The following BCL2L14 variants were observed in gnomAD, a reference collection of about 807,000 sequenced individuals.
BCL2L14 encodes apoptosis facilitator Bcl-2-like protein 14.
A neutral mutation model predicts 35.3 loss-of-function variants in BCL2L14; 27 were observed. That is an observed-to-expected ratio of 0.76 (90% CI 0.56 to 1.05). BCL2L14 has a LOEUF of 1.05. Among genes scored for constraint, BCL2L14 ranks in the 50% least tolerant of loss-of-function variants. The pLI is 0.00. For synonymous variants in BCL2L14, 139 were observed against 145.9 expected (o/e 0.95, Z 0.34); for missense variants, 377 against 382.6 (o/e 0.99, Z 0.12).
intron 3 of BCL2L14, among the ~76,000 whole-genome samples, chr12:12,089,203 C>A (rs1271497568): frequency 6.6e-6 from 1 of 151,914 alleles, no homozygotes; most frequent in Non-Finnish European, 1.5e-5. Flanking sequence ...CCCTTCTCTA[C>A]TAAAAATACA....
In BCL2L14 at chr12:12,094,777, G is replaced by C; in HGVS notation, c.792G>C (p.Glu264Asp). 6.2e-7 allele frequency: 1 copy of C among 1,614,192 alleles called. No individual in the cohort carries two copies. The highest frequency in any genetic ancestry group is 1.1e-5 in the South Asian group (1 of 91,080). Reference sequence around the variant, plus strand: ...GTGTGGACCCCAGGGGAGAATCAGAGGTCAAAGCTCAGGGCTTTAAGGCTG... The same window carrying C: ...GTGTGGACCCCAGGGGAGAATCAGACGTCAAAGCTCAGGGCTTTAAGGCTG... ...LMGVDPRGES[E>D]VKAQGFKAAL... Residue 264 changes from glutamate to aspartate, a missense_variant, in exon 5 of 6, where the codon GAG becomes GAC. Transcript: ENST00000308721.
intron 5 of BCL2L14, 57 bp downstream of exon 5, chr12:12,094,987 ATTTTT>A: frequency 6.8e-7 from 1 of 1,465,682 alleles, no homozygotes; most frequent in Non-Finnish European, 9.0e-7. Context: ...GATGGGATGG[ATTTTT>A]TTTTTTTTTT....
chr12:12,078,949 A>C (rs1948845373), intron 1 of BCL2L14, among the ~76,000 whole-genome samples: 1 of 152,160 alleles, frequency 6.6e-6, no homozygotes, highest in African/African-American at 2.4e-5. Context: ...GGCGTGCGCC[A>C]CCATGCCTGG....
At chr12:12,059,511 G>GCA in intron 2 of BCL2L14, among the ~76,000 whole-genome samples, 3 of 150,056 alleles carry the variant, frequency 2.0e-5, no homozygotes, top group African/African-American at 7.4e-5. Context: ...TTATTTCCAT[G>GCA]CCCCAACCTC....
upstream of BCL2L14, chr12:12,070,845 T>C (rs1948658674): frequency 6.6e-6 from 1 of 152,106 alleles, no homozygotes; most frequent in African/African-American, 2.4e-5. Flanking sequence ...AGAATTCCTT[T>C]TAGAGTCAAA....
intron 2 of BCL2L14, among the ~76,000 whole-genome samples, chr12:12,065,471 G>T (rs920935850): frequency 6.6e-5 from 10 of 151,222 alleles, no homozygotes; most frequent in Non-Finnish European, 1.5e-4. Context: ...GGGAGGCGGA[G>T]GTTGCAGTGA....
In BCL2L14 at chr12:12,073,011, C is replaced by G. The variant is rs192817182; in HGVS notation, c.-8+1874C>G. Among the ~76,000 whole-genome samples the G allele has an allele frequency of 2.5e-3, 385 of 152,194 alleles. 1 individual carries two copies. The highest frequency in any genetic ancestry group is 8.5e-3 in the African/African-American group (351 of 41,530). ...AAGCGATTCTCCCCCCTCAGCCTCC[C>G]AAGTGGCTGGGACTGCAGGTGCACA... On this transcript the variant is annotated intron_variant, in intron 1 of 5. Transcript: ENST00000308721.
intron 5 of BCL2L14, chr12:12,095,434 G>A (rs1176368418): frequency 1.0e-6 from 1 of 985,196 alleles, no homozygotes; most frequent in Non-Finnish European, 1.2e-6. Flanking sequence ...AAAGCCAACA[G>A]TTAAACTTTC....
chr12:12,070,753 C>T (rs1382151907), upstream of BCL2L14, among the ~76,000 whole-genome samples: 1 of 151,896 alleles, frequency 6.6e-6, no homozygotes, highest in Non-Finnish European at 1.5e-5. Context: ...GTTTAACTAA[C>T]AACTGATAAG....
At chr12:12,079,206 A>C in intron 1 of BCL2L14, 93 bp from the exon 2 acceptor site, 1 of 1,061,036 alleles carries the variant, frequency 9.4e-7, no homozygotes, top group Non-Finnish European at 1.4e-6. Context: ...ATGTTCAATA[A>C]ATGTTTCCTG....
In BCL2L14 at chr12:12,099,379, G is replaced by A. The variant is rs201488916; in HGVS notation, c.*391G>A. On this transcript the variant is annotated 3_prime_UTR_variant, in exon 6 of 6. Coordinates refer to ENST00000308721, the MANE Select transcript of BCL2L14 (RefSeq NM_138723.2). Reference sequence around the variant, plus strand: ...AAACTGTGCATGTGTTTCCACTTCCGTTTCTAGTACTATTTATTTTTAAAC... The same window carrying A: ...AAACTGTGCATGTGTTTCCACTTCCATTTCTAGTACTATTTATTTTTAAAC... The A allele has an allele frequency of 8.3e-5, 16 of 192,860 alleles. No homozygotes were observed. The East Asian group carries it at 1.1e-3, about 14-fold the overall frequency. 11.9% of individuals were successfully genotyped at this position (192,860 alleles called of 1,614,324 possible). A position where few individuals can be genotyped will look rare whatever the true frequency, so the allele number is the denominator to read the frequency against.
chr12:12,079,266 T>C (rs1271678230), intron 1 of BCL2L14, 33 bp from the exon 2 acceptor site: 1 of 1,569,046 alleles, frequency 6.4e-7, no homozygotes, highest in Non-Finnish European at 8.7e-7. Flanking sequence ...TGGCCCTGCA[T>C]AGAAGGGCAC....
chr12:12,060,882 GTC>G (rs1332419331), intron 2 of BCL2L14, among the ~76,000 whole-genome samples: 47,233 of 75,328 alleles, frequency 0.63, 16,811 homozygotes, highest in East Asian at 0.99. Context: ...AGCTTCGGAA[GTC>G]CCGTAGACCA....
At chr12:12,096,598 A>C (rs1949317642) in intron 5 of BCL2L14, among the ~76,000 whole-genome samples, 1 of 152,260 alleles carries the variant, frequency 6.6e-6, no homozygotes, top group Non-Finnish European at 1.5e-5. Context: ...ATTTCTCCAA[A>C]GAATATATAT....
At chr12:12,097,045 T>G (rs558847343) in intron 5 of BCL2L14, among the ~76,000 whole-genome samples, 137 of 152,164 alleles carry the variant, frequency 9.0e-4, no homozygotes, top group African/African-American at 3.2e-3. Context: ...TCAGGGGGGC[T>G]GAGGTAGGAG....
chr12:12,061,615 A>C (rs920753661), intron 2 of BCL2L14, among the ~76,000 whole-genome samples: 29 of 151,428 alleles, frequency 1.9e-4, no homozygotes, highest in South Asian at 1.0e-3. Context: ...TCCACAACCC[A>C]TTATTCTGTT....
intron 2 of BCL2L14, among the ~76,000 whole-genome samples, chr12:12,057,377 G>A (rs1303283429): frequency 1.3e-5 from 2 of 152,138 alleles, no homozygotes; most frequent in Non-Finnish European, 2.9e-5. Flanking sequence ...TCCATTGAAA[G>A]GATATCCAGT....
At chr12:12,084,120 TTTATTA>T (rs1680255226) in intron 2 of BCL2L14, among the ~76,000 whole-genome samples, 1 of 152,048 alleles carries the variant, frequency 6.6e-6, no homozygotes. Context: ...TCCCTTTTAT[TTTATTA>T]TTATTTTTTA....
Position 12,079,731 on chromosome 12 carries a change from G to T in BCL2L14, c.426G>T (p.Glu142Asp). ...RCLSNVEQCLEHEAVDPKVIS... is the reference protein window; with the variant it reads ...RCLSNVEQCLDHEAVDPKVIS... The stretch of plus-strand genomic sequence containing the variant: ...TTTCTAACGTGGAGCAGTGCTTGGA[G>T]CATGAAGGTAGGCATCTGGGATTTC... The change falls in exon 2 of 6, where the codon GAG (glutamate) becomes GAT (aspartate). Residue 142 changes from glutamate (E) to aspartate (D), a missense_variant. Glu to Asp is a conservative substitution (Grantham distance 45, BLOSUM62 2). Coordinates refer to ENST00000308721, the MANE Select transcript of BCL2L14 (RefSeq NM_138723.2). 6.2e-7 allele frequency: 1 copy of T among 1,611,196 alleles called. No individual in the cohort carries two copies. Among genetic ancestry groups the T allele is most frequent in the Non-Finnish European group, 8.5e-7 (1 of 1,178,204 alleles).
Sources: gnomAD v4.1 joint callset for allele counts (sites outside exome capture counted in the v4.1 genomes callset) on GRCh38, gnomAD v4.1.1 for gene constraint, MANE v1.5 for transcripts, NCBI Gene and HGNC (gene_info 2026-07-23, HGNC 2026-07-21) for gene names.